The following NR1H3 variants were observed in gnomAD, a reference collection of about 807,000 sequenced individuals.
The protein encoded by NR1H3 is nuclear receptor subfamily 1 group H member 3.
In NR1H3, 19 loss-of-function variants were observed where a neutral mutation model predicts 48.1. The ratio of observed to expected loss-of-function variants is 0.40; its 90% CI spans 0.28 to 0.58. The LOEUF (loss-of-function observed/expected upper bound fraction) is 0.58, where lower values mean the gene tolerates loss of function less well. Among genes scored for constraint, NR1H3 ranks in the 20% least tolerant of loss-of-function variants. NR1H3 has a pLI of 0.50. For synonymous variants in NR1H3, 232 were observed against 227.3 expected (o/e 1.02, Z -0.19); for missense variants, 486 against 595.9 (o/e 0.82, Z 1.92).
At chr11:47,266,347 T>C (rs552574373) in intron 7 of NR1H3, among the ~76,000 whole-genome samples, 1 of 152,080 alleles carries the variant, frequency 6.6e-6, no homozygotes, top group African/African-American at 2.4e-5. Flanking sequence ...GGATTTTTTT[T>C]TTTTTTGAGC....
chr11:47,267,573 A>G (rs1305368504), intron 7 of NR1H3, among the ~76,000 whole-genome samples: 1 of 151,556 alleles, frequency 6.6e-6, no homozygotes, highest in Non-Finnish European at 1.5e-5. Context: ...CAGTAGTGCA[A>G]TCTTGGGTCA....
rs906656711 is a variant in NR1H3, at chr11:47,259,980, G to T, written c.232+1G>T. 1 of 1,515,978 alleles carries T rather than the reference G, an allele frequency of 6.6e-7. No homozygotes were observed. Among genetic ancestry groups the T allele is most frequent in the Admixed American group, 2.4e-5 (1 of 42,528 alleles). The allele number at this position is 1,515,978 out of a possible 1,614,324, so 93.9% of individuals were successfully genotyped here. On this transcript the variant is annotated splice_donor_variant, in intron 3 of 9. Coordinates refer to ENST00000441012, the MANE Select transcript of NR1H3 (RefSeq NM_005693.4). LOFTEE classifies it high-confidence loss of function. ...GCAGAGCCCCCTTCAGAACCCACAG[G>T]TGAGGAGCTTCTGGGTTTGGAGGAG...
chr11:47,248,518 C>A, upstream of NR1H3: 4 of 1,551,318 alleles, frequency 2.6e-6, no homozygotes, highest in Non-Finnish European at 3.5e-6. Context: ...CTCCCATAAG[C>A]CAGGGCTCCA....
At chr11:47,249,067 C>T in intron 1 of NR1H3, 4 of 1,389,150 alleles carry the variant, frequency 2.9e-6, no homozygotes, top group East Asian at 2.5e-5. Context: ...CACAAATTCG[C>T]GTTTGCCTCT....
intron 1 of NR1H3, among the ~76,000 whole-genome samples, chr11:47,249,341 C>T (rs920062988): frequency 7.2e-5 from 11 of 152,122 alleles, no homozygotes; most frequent in Admixed American, 1.3e-4. Flanking sequence ...CTTGAGGTTG[C>T]CCCAGTCTGG....
intron 1 of NR1H3, chr11:47,250,496 C>T (rs943519823): frequency 1.4e-4 from 22 of 152,154 alleles, no homozygotes; most frequent in African/African-American, 4.6e-4. Context: ...ATATATACTT[C>T]AGGATTTAAA....
intron 9 of NR1H3, 51 bp from the exon 10 acceptor site, chr11:47,268,499 C>G (rs372212614): frequency 6.2e-5 from 100 of 1,611,958 alleles, no homozygotes; most frequent in Non-Finnish European, 8.3e-5. Context: ...ACTCTTGCCC[C>G]GCTTCCCTGG....
In NR1H3 at chr11:47,259,793, T is replaced by G; in HGVS notation, c.46T>G (p.Ser16Ala). ...TGTGCCTCTCTTTTGGAGCTCAGAC[T>G]CTGCGGTGGAGCTGTGGAAGCCAGG... ...GAPVPDIPPD[S>A]AVELWKPGAQ... The change falls in exon 3 of 10, where the codon TCT becomes GCT. Residue 16 changes from serine (S) to alanine (A), a missense_variant and splice_region_variant. By Grantham distance (99) the Ser-to-Ala change is moderately conservative. Coordinates refer to ENST00000441012, the MANE Select transcript of NR1H3 (RefSeq NM_005693.4). 6.2e-7 allele frequency: 1 copy of G among 1,612,054 alleles called. No homozygotes were observed. The highest frequency in any genetic ancestry group is 1.3e-5 in the African/African-American group (1 of 74,978).
chr11:47,255,615 C>CTCTCTCTCTCTCTTTCTTTCTTTCTT (rs1554981334), upstream of NR1H3, among the ~76,000 whole-genome samples: 4 of 93,210 alleles, frequency 4.3e-5, no homozygotes, highest in African/African-American at 1.9e-4. Flanking sequence ...CTCTCTCTCT[C>CTCTCTCTCTCTCTTTCTTTCTTTCTT]TCTTTCTTTC....
intron 4 of NR1H3, 34 bp from the exon 5 acceptor site, chr11:47,261,207 C>T (rs772007153): frequency 4.4e-6 from 6 of 1,359,374 alleles, no homozygotes; most frequent in Non-Finnish European, 4.1e-6. Flanking sequence ...CTTTCCCCAT[C>T]TGCTCCCTTC....
exon 1 of NR1H3, chr11:47,248,988 G>A: frequency 6.6e-7 from 1 of 1,504,256 alleles, no homozygotes. Flanking sequence ...TGTGGCGGAG[G>A]AGCATAAGAA....
rs139970075 is a variant in NR1H3, at chr11:47,268,608, G to A, written c.1256G>A (p.Ser419Asn). 1.2e-5 allele frequency: 19 copies of A among 1,614,130 alleles called. No homozygotes were observed. The highest frequency in any genetic ancestry group is 1.6e-5 in the Non-Finnish European group (19 of 1,180,052). Residue 419 changes from serine to asparagine, a missense_variant, in exon 10 of 10, where the codon AGC (serine) becomes AAC (asparagine). By Grantham distance (46) the Ser-to-Asn change is conservative (BLOSUM62 1). Coordinates refer to ENST00000441012, the MANE Select transcript of NR1H3 (RefSeq NM_005693.4). ...MKLVSLRTLS[S>N]VHSEQVFALR... ...CTGGTGAGCCTCCGGACCCTGAGCAGCGTCCACTCAGAGCAAGTGTTTGCA... is the reference window on the plus strand; with the variant it reads ...CTGGTGAGCCTCCGGACCCTGAGCAACGTCCACTCAGAGCAAGTGTTTGCA...
chr11:47,257,659 C>A (rs763868957), upstream of NR1H3: 7 of 985,432 alleles, frequency 7.1e-6, no homozygotes, highest in African/African-American at 1.7e-5. Flanking sequence ...GGAGGGAACA[C>A]GATTCTGGAG....
chr11:47,255,389 T>A (rs886388158), upstream of NR1H3, among the ~76,000 whole-genome samples: 2 of 152,188 alleles, frequency 1.3e-5, no homozygotes, highest in Non-Finnish European at 2.9e-5. Context: ...GGGTTTGTGC[T>A]GTGTATGGAA....
At position 47,268,052 on chromosome 11, in the gene NR1H3, A is replaced by T. The variant is rs1419711279; in HGVS notation, c.1102+26A>T. On this transcript the variant is annotated intron_variant, in intron 8 of 9. Coordinates refer to ENST00000441012, the MANE Select transcript of NR1H3 (RefSeq NM_005693.4). ...GTGTGGAGGAGGGGCAATGGGAAAC[A>T]GCAAGAGACTTACACCAAGGAGGGC... 4.5e-6 allele frequency: 7 copies of T among 1,561,834 alleles called. No individual in the cohort carries two copies. The African/African-American group carries it at 9.5e-5, about 21-fold the overall frequency.
intron 1 of NR1H3, among the ~76,000 whole-genome samples, chr11:47,249,968 C>T (rs565830568): frequency 2.0e-4 from 30 of 151,822 alleles, no homozygotes; most frequent in African/African-American, 7.0e-4. Flanking sequence ...GGTGCAGTGG[C>T]GTGCTCCTGT....
chr11:47,258,988 G>C (rs1308108046), intron 1 of NR1H3, 192 bp from the exon 2 acceptor site: 4 of 1,062,868 alleles, frequency 3.8e-6, no homozygotes, highest in Non-Finnish European at 5.1e-6. Context: ...ACTAGCCTGG[G>C]CAAAATAGGG....
At chr11:47,265,433 A>T (rs2135683374) in intron 7 of NR1H3, among the ~76,000 whole-genome samples, 1 of 152,336 alleles carries the variant, frequency 6.6e-6, no homozygotes, top group African/African-American at 2.4e-5. Context: ...ATGGTTGCTA[A>T]AAGAAATCTG....
chr11:47,267,078 G>A (rs558669980), intron 7 of NR1H3, among the ~76,000 whole-genome samples: 5 of 152,092 alleles, frequency 3.3e-5, no homozygotes, highest in African/African-American at 7.2e-5. Context: ...AGGGCGAGGC[G>A]GGTGGATTGC....
Sources: gnomAD v4.1 joint callset for allele counts (sites outside exome capture counted in the v4.1 genomes callset) on GRCh38, gnomAD v4.1.1 for gene constraint, MANE v1.5 for transcripts, NCBI Gene and HGNC (gene_info 2026-07-23, HGNC 2026-07-21) for gene names.